Variants in TRPC1 observed in about 807,000 individuals in gnomAD.
The protein encoded by TRPC1 is transient receptor potential cation channel subfamily C member 1, also known as short transient receptor potential channel 1.
In TRPC1, 42 loss-of-function variants were observed where a neutral mutation model predicts 88.2. The observed-to-expected ratio is 0.48, with a 90% CI of 0.37 to 0.62. The LOEUF is 0.62. TRPC1 is among the 20% of genes least tolerant of loss of function. The pLI, the probability that TRPC1 is intolerant of heterozygous loss-of-function variation, is 0.00. For missense variants in TRPC1, 699 were observed against 957.3 expected (o/e 0.73, Z 3.56); for synonymous variants, 288 against 331.8 (o/e 0.87, Z 1.43).
At chr3:142,803,942 T>A in intron 10 of TRPC1, 35 bp from the exon 11 acceptor site, 2 of 1,590,568 alleles carry the variant, frequency 1.3e-6, no homozygotes, top group Non-Finnish European at 1.7e-6. Flanking sequence ...ATTTCTTTAA[T>A]TGCCTTTTAA....
intron 2 of TRPC1, among the ~76,000 whole-genome samples, chr3:142,741,002 T>G (rs1175814805): frequency 6.6e-6 from 1 of 152,034 alleles, no homozygotes; most frequent in African/African-American, 2.4e-5. Flanking sequence ...AGGAAATACG[T>G]AACTTTTTTA....
chr3:142,734,003 G>A (rs146994640), intron 1 of TRPC1, among the ~76,000 whole-genome samples: 14 of 152,252 alleles, frequency 9.2e-5, no homozygotes, highest in Non-Finnish European at 1.6e-4. Context: ...CAACATCTAA[G>A]CATAAAACCA....
rs78924852 is a variant in TRPC1, at chr3:142,740,311, C to G, written c.328-3174C>G. Among the ~76,000 whole-genome samples the G allele has an allele frequency of 6.9e-3, 1,058 of 152,270 alleles. 29 individuals are homozygous for G. In the East Asian group the frequency reaches 0.09, roughly 13 times the overall value. On this transcript the variant is annotated intron_variant, in intron 2 of 12. Transcript: ENST00000476941. ...GAAAGGAAAACATTAAGTTCAGAAG[C>G]TAAGTAAAGCTTGGGGCAAGGGAAT...
chr3:142,804,665 G>A (rs1229784826), intron 12 of TRPC1, 35 bp downstream of exon 12: 3 of 1,548,390 alleles, frequency 1.9e-6, no homozygotes, highest in Admixed American at 2.0e-5. Context: ...CAACATAAAA[G>A]TTTTAACAAT....
At chr3:142,781,421 T>G (rs909342723) in intron 6 of TRPC1, among the ~76,000 whole-genome samples, 5 of 152,126 alleles carry the variant, frequency 3.3e-5, no homozygotes, top group African/African-American at 1.2e-4. Context: ...TGTCACAGGT[T>G]GGTTTTCATT....
At chr3:142,727,441 C>A (rs1933728956) in intron 1 of TRPC1, among the ~76,000 whole-genome samples, 3 of 152,000 alleles carry the variant, frequency 2.0e-5, no homozygotes, top group African/African-American at 7.2e-5. Flanking sequence ...TTAAAGAGTA[C>A]AATAAATGTA....
intron 6 of TRPC1, among the ~76,000 whole-genome samples, chr3:142,782,845 C>T (rs1400645599): frequency 1.3e-5 from 2 of 152,152 alleles, no homozygotes; most frequent in Admixed American, 6.5e-5. Flanking sequence ...TACATGTGAC[C>T]TCTGTGTGCA....
In TRPC1 at chr3:142,776,388, TA is replaced by T. The variant is rs960576034; in HGVS notation, c.633-1241del. On this transcript the variant is annotated intron_variant, in intron 4 of 12. Coordinates refer to ENST00000476941, the MANE Select transcript of TRPC1 (RefSeq NM_001251845.2). This position sits in a 1 kb window ranked among gnomAD's most constrained non-coding sequence, Gnocchi z 4.1. ...AAAAATATAATATCTACTAAATTTGTAAATTAAGAATTATATTAATAAATGA... is the reference window on the plus strand; with the variant it reads ...AAAAATATAATATCTACTAAATTTGTAATTAAGAATTATATTAATAAATGA... Among the ~76,000 whole-genome samples the T allele has an allele frequency of 6.6e-6, 1 of 152,076 alleles. No individual in the cohort carries two copies. Among genetic ancestry groups the T allele is most frequent in the Non-Finnish European group, 1.5e-5 (1 of 67,994 alleles).
intron 4 of TRPC1, among the ~76,000 whole-genome samples, chr3:142,774,449 T>A (rs1228268400): frequency 2.6e-5 from 4 of 152,226 alleles, no homozygotes; most frequent in Non-Finnish European, 5.9e-5. Flanking sequence ...AGTCCATTAC[T>A]TTCAGCCAGT....
chr3:142,737,873 A>G (rs563417804), intron 2 of TRPC1, among the ~76,000 whole-genome samples: 58 of 152,326 alleles, frequency 3.8e-4, no homozygotes, highest in Middle Eastern at 3.4e-3. Flanking sequence ...GTGTGTTTAT[A>G]AGACACAAAA....
chr3:142,755,961 G>T (rs75362692), intron 4 of TRPC1, among the ~76,000 whole-genome samples: 1,876 of 152,074 alleles, frequency 0.012, 50 homozygotes, highest in East Asian at 0.09. Context: ...TTCTATTTTT[G>T]TAGTCTTTTC....
chr3:142,777,054 G>A (rs1422896216), intron 4 of TRPC1, among the ~76,000 whole-genome samples: 3 of 152,168 alleles, frequency 2.0e-5, no homozygotes, highest in Non-Finnish European at 4.4e-5. Context: ...GCTCACACCT[G>A]TAATCCCAGC....
At chr3:142,731,374 A>ATTTTTTTT (rs59613066) in intron 1 of TRPC1, among the ~76,000 whole-genome samples, 2 of 79,524 alleles carry the variant, frequency 2.5e-5, no homozygotes, top group Non-Finnish European at 2.4e-5. Context: ...ATATGTTTTG[A>ATTTTTTTT]TTTTTTTTTT....
chr3:142,784,221 C>G (rs920598204), intron 6 of TRPC1, among the ~76,000 whole-genome samples: 1 of 146,032 alleles, frequency 6.8e-6, no homozygotes, highest in African/African-American at 2.8e-5. Context: ...GTATCTTTTT[C>G]TATGGATTGT....
At position 142,780,957 on chromosome 3, in the gene TRPC1, C is replaced by G; in HGVS notation, c.888C>G (p.Asp296Glu). 6.2e-7 allele frequency: 1 copy of G among 1,613,842 alleles called. No homozygotes were observed. The highest frequency in any genetic ancestry group is 8.5e-7 in the Non-Finnish European group (1 of 1,179,812). Residue 296 changes from aspartate to glutamate, a missense_variant, in exon 6 of 13, where the codon GAC (aspartate) becomes GAG (glutamate). Transcript: ENST00000476941. ...ATACGTCTAGTGACGAGCCTCTTGACAAACGGGGATTATTAGAAGAAAGAA... is the reference window on the plus strand; with the variant it reads ...ATACGTCTAGTGACGAGCCTCTTGAGAAACGGGGATTATTAGAAGAAAGAA... ...LNHTSSDEPL[D>E]KRGLLEERMN...
intron 9 of TRPC1, among the ~76,000 whole-genome samples, chr3:142,794,488 A>G (rs1936395597): frequency 6.6e-6 from 1 of 152,140 alleles, no homozygotes; most frequent in South Asian, 2.1e-4. Context: ...ACAGCTTATA[A>G]GAAACTAGAT....
chr3:142,799,873 C>G (rs1382402858), intron 9 of TRPC1, among the ~76,000 whole-genome samples: 1 of 152,106 alleles, frequency 6.6e-6, no homozygotes, highest in Admixed American at 6.6e-5. Flanking sequence ...GAATTGCTTA[C>G]CTTGATATTG....
Position 142,782,740 on chromosome 3 carries a change from A to G in TRPC1, c.960+1711A>G, listed in dbSNP as rs117247327. ...GTCCACAGAAGGTGGGGCTCCTGAG[A>G]ACTCACAACAGGAACCAAGGAGAGG... On this transcript the variant is annotated intron_variant, in intron 6 of 12. Transcript: ENST00000476941. Among the ~76,000 whole-genome samples, 689 of 152,264 alleles carry G rather than the reference A, an allele frequency of 4.5e-3. 24 individuals are homozygous for G. The East Asian group carries it at 0.089, about 20-fold the overall frequency.
intron 4 of TRPC1, among the ~76,000 whole-genome samples, chr3:142,757,724 ATTG>A: frequency 6.6e-6 from 1 of 152,262 alleles, no homozygotes; most frequent in Middle Eastern, 3.4e-3. Flanking sequence ...TGACAGGTTG[ATTG>A]GTGCAGCAAA....
Sources: gnomAD v4.1 joint callset for allele counts (sites outside exome capture counted in the v4.1 genomes callset) on GRCh38, gnomAD v4.1.1 for gene constraint, Gnocchi (gnomAD v3.1) non-coding constraint, MANE v1.5 for transcripts, NCBI Gene and HGNC (gene_info 2026-07-23, HGNC 2026-07-21) for gene names.